Variants in ARHGAP32 observed in about 807,000 individuals in gnomAD.
ARHGAP32 encodes Rho GTPase activating protein 32, also known as rho GTPase-activating protein 32.
ARHGAP32 carries 51 observed loss-of-function variants against 186.5 expected under a neutral mutation model. The ratio of observed to expected loss-of-function variants is 0.27; its 90% CI spans 0.22 to 0.35. The LOEUF (loss-of-function observed/expected upper bound fraction) is 0.35. Ranked by LOEUF, ARHGAP32 falls within the 10% of genes least tolerant of loss-of-function variation. The pLI is 1.00. For missense variants in ARHGAP32, 2,186 were observed against 2,623.5 expected (o/e 0.83, Z 3.64); for synonymous variants, 950 against 964.3 (o/e 0.99, Z 0.27).
At chr11:129,167,160 A>T in intron 1 of ARHGAP32, among the ~76,000 whole-genome samples, 1 of 152,196 alleles carries the variant, frequency 6.6e-6, no homozygotes, top group East Asian at 1.9e-4. Flanking sequence ...AGGCAAATAA[A>T]AACAAATATT....
chr11:129,026,352 A>T (rs548093631), intron 11 of ARHGAP32, among the ~76,000 whole-genome samples: 2 of 152,244 alleles, frequency 1.3e-5, no homozygotes, highest in South Asian at 4.1e-4. Context: ...TGTGTAGGAG[A>T]GGTCACTTGT....
chr11:129,189,044 T>C (rs929668851), intron 1 of ARHGAP32, among the ~76,000 whole-genome samples: 4 of 152,206 alleles, frequency 2.6e-5, no homozygotes, highest in Non-Finnish European at 5.9e-5. Context: ...AGTCACATTA[T>C]TGTGTTCATT....
chr11:129,087,322 C>T (rs1941437558), intron 6 of ARHGAP32, among the ~76,000 whole-genome samples: 1 of 152,118 alleles, frequency 6.6e-6, no homozygotes, highest in Non-Finnish European at 1.5e-5. Flanking sequence ...TTCATAATTG[C>T]CAAAACCTAG....
chr11:129,044,357 C>A (rs1230741378), intron 10 of ARHGAP32, among the ~76,000 whole-genome samples: 1 of 152,128 alleles, frequency 6.6e-6, no homozygotes, highest in Non-Finnish European at 1.5e-5. Context: ...CTTTCTGCAG[C>A]CGTGGCAATT....
intron 8 of ARHGAP32, 73 bp downstream of exon 8, chr11:129,064,768 T>G: frequency 2.5e-6 from 3 of 1,190,462 alleles, no homozygotes; most frequent in Non-Finnish European, 3.6e-6. Flanking sequence ...GACATCAAAA[T>G]TATGTTAATA....
chr11:128,991,468 A>G (rs1268017983), intron 12 of ARHGAP32, among the ~76,000 whole-genome samples: 1 of 152,180 alleles, frequency 6.6e-6, no homozygotes, highest in Non-Finnish European at 1.5e-5. Flanking sequence ...AAAAAGAAGA[A>G]AAGATCTGTT....
At chr11:129,246,898 A>G (rs760401668) in intron 1 of ARHGAP32, among the ~76,000 whole-genome samples, 18 of 152,186 alleles carry the variant, frequency 1.2e-4, no homozygotes, top group Non-Finnish European at 2.2e-4. Context: ...GTCTTTTAAG[A>G]GAAGATGTGT....
At chr11:129,014,619 A>G (rs1398885972) in intron 11 of ARHGAP32, among the ~76,000 whole-genome samples, 1 of 152,228 alleles carries the variant, frequency 6.6e-6, no homozygotes, top group African/African-American at 2.4e-5. Context: ...CGTCAAGGAG[A>G]CAAAATTAGA....
chr11:129,017,576 CTAT>C (rs996314520), intron 11 of ARHGAP32, among the ~76,000 whole-genome samples: 1 of 151,750 alleles, frequency 6.6e-6, no homozygotes. Context: ...AATAAATGTG[CTAT>C]TGTTATTTTT....
At chr11:128,990,853 A>T (rs1420660894) in intron 12 of ARHGAP32, among the ~76,000 whole-genome samples, 1 of 152,200 alleles carries the variant, frequency 6.6e-6, no homozygotes, top group Admixed American at 6.5e-5. Flanking sequence ...TGGGATAATT[A>T]ACATCATTAC....
intron 10 of ARHGAP32, among the ~76,000 whole-genome samples, chr11:129,060,395 C>T (rs1043823832): frequency 6.8e-6 from 1 of 146,806 alleles, no homozygotes; most frequent in Admixed American, 6.8e-5. Flanking sequence ...GATAGACAGA[C>T]AGACAGACAG....
chr11:129,166,674 G>T (rs1029426940), intron 1 of ARHGAP32, among the ~76,000 whole-genome samples: 1 of 150,970 alleles, frequency 6.6e-6, no homozygotes, highest in Non-Finnish European at 1.5e-5. Flanking sequence ...TTGAAAGCAG[G>T]TAAAACAAAT....
rs1937791078 is a variant in ARHGAP32, at chr11:129,006,666, T to TG, written c.1046-8199dup. On this transcript the variant is annotated intron_variant, in intron 11 of 22. Transcript: ENST00000682385. ...GTGGCCACCACCACTGGGACGGCAC[T>TG]GGGTCAAACCCAAAGCCAGCACAGC... 7.2e-5 allele frequency among the ~76,000 whole-genome samples: 11 copies of TG among 152,144 alleles called. No individual in the cohort carries two copies. The South Asian group carries it at 2.3e-3, about 32-fold the overall frequency.
intron 6 of ARHGAP32, among the ~76,000 whole-genome samples, chr11:129,078,555 C>T (rs1941118277): frequency 1.3e-5 from 2 of 152,144 alleles, no homozygotes; most frequent in South Asian, 2.1e-4. Flanking sequence ...TGCAGTGGCA[C>T]GTTCTCAGCT....
intron 6 of ARHGAP32, among the ~76,000 whole-genome samples, chr11:129,090,491 T>C (rs1040368147): frequency 6.6e-6 from 1 of 152,162 alleles, no homozygotes; most frequent in Non-Finnish European, 1.5e-5. Context: ...TTAACTTGAA[T>C]AGGAACCATT....
intron 1 of ARHGAP32, among the ~76,000 whole-genome samples, chr11:129,180,712 T>C (rs1244011577): frequency 8.5e-5 from 13 of 152,116 alleles, no homozygotes; most frequent in Admixed American, 5.2e-4. Context: ...AAAGCTGTAG[T>C]TAAGGGCTGC....
chr11:129,040,811 A>T, intron 11 of ARHGAP32, 117 bp downstream of exon 11: 1 of 632,520 alleles, frequency 1.6e-6, no homozygotes, highest in Non-Finnish European at 2.7e-6. Context: ...TAAGAATGTT[A>T]ATTATTATGC....
At chr11:129,192,609 T>C (rs186626121), upstream of ARHGAP32, among the ~76,000 whole-genome samples, 133 of 152,278 alleles carry the variant, frequency 8.7e-4, no homozygotes, top group Non-Finnish European at 1.1e-3. Flanking sequence ...AATAGAAAAC[T>C]AGAAAGAATA....
At chr11:129,140,677 A>T (rs966068493) in intron 2 of ARHGAP32, among the ~76,000 whole-genome samples, 33 of 152,176 alleles carry the variant, frequency 2.2e-4, no homozygotes, top group Non-Finnish European at 4.1e-4. Context: ...GGAGTAAGCT[A>T]TGCACTTGAA....
Sources: allele counts gnomAD v4.1 joint callset (sites outside exome capture counted in the v4.1 genomes callset), GRCh38; gene constraint gnomAD v4.1.1; transcripts MANE v1.5; gene names NCBI Gene and HGNC (gene_info 2026-07-23, HGNC 2026-07-21).